The following TGFA variants were observed in gnomAD, a reference collection of about 807,000 sequenced individuals.
TGFA encodes transforming growth factor alpha.
In TGFA, 12 loss-of-function variants were observed where a neutral mutation model predicts 21.7. The ratio of observed to expected loss-of-function variants is 0.55; its 90% CI spans 0.35 to 0.90. TGFA has a LOEUF of 0.90. Among genes scored for constraint, TGFA ranks in the 40% least tolerant of loss-of-function variants. The pLI is 0.01. For synonymous variants in TGFA, 79 were observed against 88.1 expected (o/e 0.90, Z 0.58); for missense variants, 178 against 210.8 (o/e 0.84, Z 0.96).
At chr2:70,500,596 G>T (rs1230701255) in intron 2 of TGFA, among the ~76,000 whole-genome samples, 1 of 152,146 alleles carries the variant, frequency 6.6e-6, no homozygotes, top group Non-Finnish European at 1.5e-5. Flanking sequence ...CTCTACCAAG[G>T]TTGATCATTT....
rs1669922997 is a variant in TGFA, at chr2:70,447,686, T to G, written c.*3173A>C. On this transcript the variant is annotated 3_prime_UTR_variant, in exon 6 of 6. Coordinates refer to ENST00000295400, the MANE Select transcript of TGFA (RefSeq NM_003236.4). ...CCACTAGATCTTTCAGAAAGCCTGG[T>G]AAATCAATGGCTAGAGAGAACAGGT... 6.6e-6 allele frequency: 1 copy of G among 152,396 alleles called. No homozygotes were observed. Among genetic ancestry groups the G allele is most frequent in the South Asian group, 2.1e-4 (1 of 4,826 alleles). 9.4% of individuals were successfully genotyped at this position (152,396 alleles called of 1,614,324 possible). A position where few individuals can be genotyped will look rare whatever the true frequency, so the allele number is the denominator to read the frequency against.
At chr2:70,453,429 ACCAG>A in intron 4 of TGFA, 102 bp from the exon 5 acceptor site, 1 of 825,304 alleles carries the variant, frequency 1.2e-6, no homozygotes, top group Non-Finnish European at 1.8e-6. Flanking sequence ...CCAGCTCTAA[ACCAG>A]CTCCAAACCA....
At chr2:70,500,230 G>T (rs1316911876) in intron 2 of TGFA, among the ~76,000 whole-genome samples, 4 of 152,268 alleles carry the variant, frequency 2.6e-5, no homozygotes, top group South Asian at 2.1e-4. Context: ...TCCTCTTCAA[G>T]GAGGTACCAC....
intron 2 of TGFA, among the ~76,000 whole-genome samples, chr2:70,474,872 G>A (rs782331170): frequency 1.3e-5 from 2 of 152,208 alleles, no homozygotes; most frequent in African/African-American, 2.4e-5. Context: ...GGCATCAGAT[G>A]TGATGGAACC....
intron 2 of TGFA, among the ~76,000 whole-genome samples, chr2:70,477,683 C>T (rs1553494711): frequency 6.6e-6 from 1 of 152,136 alleles, no homozygotes; most frequent in Non-Finnish European, 1.5e-5. Context: ...TGTGACCTCC[C>T]TTTGTCTTTT....
chr2:70,547,346 C>G (rs1673336968), intron 1 of TGFA, among the ~76,000 whole-genome samples: 1 of 151,974 alleles, frequency 6.6e-6, no homozygotes, highest in South Asian at 2.1e-4. Context: ...TGTAATCCAG[C>G]ACTTTGGGAG....
chr2:70,550,430 A>T (rs572886111), intron 1 of TGFA, among the ~76,000 whole-genome samples: 14,497 of 152,054 alleles, frequency 0.095, 801 homozygotes, highest in Middle Eastern at 0.17. Context: ...TGAATACTAA[A>T]GGAGATACAA....
chr2:70,528,933 G>A (rs1672724214), intron 1 of TGFA, among the ~76,000 whole-genome samples: 1 of 152,158 alleles, frequency 6.6e-6, no homozygotes. Flanking sequence ...TACACTTCAG[G>A]AGAGAAAGGT....
chr2:70,458,294 A>G (rs1670302342), intron 3 of TGFA, among the ~76,000 whole-genome samples: 1 of 152,166 alleles, frequency 6.6e-6, no homozygotes. Context: ...CCATATCTCA[A>G]GAAAATCCTG....
intron 1 of TGFA, among the ~76,000 whole-genome samples, chr2:70,552,236 C>T (rs949848958): frequency 1.3e-5 from 2 of 152,138 alleles, no homozygotes; most frequent in East Asian, 3.9e-4. Flanking sequence ...AATATTAACA[C>T]CTTCTTTATC....
At position 70,447,572 on chromosome 2, in the gene TGFA, A is replaced by G. The variant is rs1175628979; in HGVS notation, c.*3287T>C. On this transcript the variant is annotated 3_prime_UTR_variant, in exon 6 of 6. Transcript: ENST00000295400. ...AAAAAAGCATCAGGTTTATTATAAT[A>G]AAGATAATGAAAAGTTGACCATTTT... 1.3e-5 allele frequency: 2 copies of G among 152,662 alleles called. No individual in the cohort carries two copies. The highest frequency in any genetic ancestry group is 2.9e-5 in the Non-Finnish European group (2 of 68,040). The allele number at this position is 152,662 out of a possible 1,614,324, so 9.5% of individuals were successfully genotyped here.
intron 1 of TGFA, among the ~76,000 whole-genome samples, chr2:70,534,406 G>A (rs1423157626): frequency 7.9e-5 from 12 of 152,158 alleles, no homozygotes; most frequent in African/African-American, 2.7e-4. Flanking sequence ...GTGTAGAGGG[G>A]GATGAGGAGG....
intron 1 of TGFA, among the ~76,000 whole-genome samples, chr2:70,552,920 C>G (rs1265100424): frequency 3.9e-5 from 6 of 152,240 alleles, no homozygotes; most frequent in Non-Finnish European, 7.3e-5. Flanking sequence ...CCAGGAGGCG[C>G]GCGGCGCTGC....
chr2:70,535,438 A>G (rs782408203), intron 1 of TGFA, among the ~76,000 whole-genome samples: 10 of 152,246 alleles, frequency 6.6e-5, no homozygotes, highest in Non-Finnish European at 1.3e-4. Context: ...GATACATAGC[A>G]TCTCCCACTT....
At chr2:70,488,331 A>G (rs1384712160) in intron 2 of TGFA, among the ~76,000 whole-genome samples, 1 of 152,098 alleles carries the variant, frequency 6.6e-6, no homozygotes, top group African/African-American at 2.4e-5. Flanking sequence ...TCCTTCCATT[A>G]TTTTATTGCT....
chr2:70,527,843 T>C (rs1672685874), intron 1 of TGFA, among the ~76,000 whole-genome samples: 1 of 152,256 alleles, frequency 6.6e-6, no homozygotes, highest in Non-Finnish European at 1.5e-5. Flanking sequence ...GACTTTACTC[T>C]GCACTCTGGA....
intron 1 of TGFA, among the ~76,000 whole-genome samples, chr2:70,532,152 C>T (rs3771482): frequency 6.6e-6 from 1 of 152,130 alleles, no homozygotes; most frequent in East Asian, 1.9e-4. Context: ...AAATTTCTGC[C>T]TGTGAAGCCT....
At chr2:70,532,229 T>C (rs1672831164) in intron 1 of TGFA, among the ~76,000 whole-genome samples, 1 of 152,184 alleles carries the variant, frequency 6.6e-6, no homozygotes, top group African/African-American at 2.4e-5. Flanking sequence ...TGGGAGAAGC[T>C]AAAATAGAGA....
At chr2:70,527,497 T>C (rs191056815) in intron 1 of TGFA, among the ~76,000 whole-genome samples, 17 of 152,324 alleles carry the variant, frequency 1.1e-4, no homozygotes, top group Admixed American at 5.2e-4. Flanking sequence ...GTGAAATGAC[T>C]CTGTACAATA....
Sources: allele counts gnomAD v4.1 joint callset (sites outside exome capture counted in the v4.1 genomes callset), GRCh38; gene constraint gnomAD v4.1.1; transcripts MANE v1.5; gene names NCBI Gene and HGNC (gene_info 2026-07-23, HGNC 2026-07-21).